EGF: variants seen among roughly 807,000 people sequenced by gnomAD.
The protein encoded by EGF is epidermal growth factor.
In EGF, 95 loss-of-function variants were observed where a neutral mutation model predicts 143.8. The observed-to-expected ratio is 0.66, with a 90% CI of 0.56 to 0.78. The LOEUF is 0.78. Among genes scored for constraint, EGF ranks in the 30% least tolerant of loss-of-function variants. The pLI, the probability that EGF is intolerant of heterozygous loss-of-function variation, is 0.00. For synonymous variants in EGF, 510 were observed against 510.5 expected, an observed-to-expected ratio of 1.00 and a Z score of 0.01; for missense variants, 1,320 against 1,470.9, an observed-to-expected ratio of 0.90 and a Z score of 1.68.
intron 1 of EGF, among the ~76,000 whole-genome samples, chr4:109,914,318 T>C (rs888718162): frequency 1.3e-5 from 2 of 152,204 alleles, no homozygotes; most frequent in Non-Finnish European, 2.9e-5. Context: ...CAGCTTGCCC[T>C]TTTGAGATGG....
chr4:109,951,960 A>G (rs11943900), intron 5 of EGF, among the ~76,000 whole-genome samples: 1,831 of 152,026 alleles, frequency 0.012, 31 homozygotes, highest in African/African-American at 0.042. Flanking sequence ...ATTTTTCTTT[A>G]ATGTTTTTTT....
chr4:109,974,812 G>A lies in EGF; in HGVS notation c.1829+5G>A. On this transcript the variant is annotated splice_donor_5th_base_variant and intron_variant, in intron 12 of 23. Coordinates refer to ENST00000265171, the MANE Select transcript of EGF (RefSeq NM_001963.6). ...TGCTGTTCATCCAATGGCCAAGTAG[G>A]TATTTGTAAAAATAAGGCACTGCTC... 2 of 1,609,762 alleles carry A rather than the reference G, an allele frequency of 1.2e-6. No homozygotes were observed. Among genetic ancestry groups the A allele is most frequent in the Non-Finnish European group, 8.5e-7 (1 of 1,176,334 alleles).
At chr4:109,970,988 A>G (rs966827826) in intron 11 of EGF, among the ~76,000 whole-genome samples, 94 of 152,028 alleles carry the variant, frequency 6.2e-4, no homozygotes, top group African/African-American at 2.2e-3. Context: ...TTGAGTATTT[A>G]TTTACTGAAT....
chr4:109,940,797 C>T, intron 1 of EGF, 149 bp from the exon 2 acceptor site: 1 of 782,734 alleles, frequency 1.3e-6, no homozygotes. Context: ...TACAGGAACT[C>T]TTTATTGTCT....
At chr4:109,989,103 G>A (rs1750579312) in intron 18 of EGF, among the ~76,000 whole-genome samples, 1 of 152,198 alleles carries the variant, frequency 6.6e-6, no homozygotes, top group Non-Finnish European at 1.5e-5. Context: ...ATGACAGTTT[G>A]TTGGAAGTCA....
intron 21 of EGF, among the ~76,000 whole-genome samples, chr4:110,004,081 C>T (rs908282717): frequency 1.3e-5 from 2 of 152,102 alleles, no homozygotes; most frequent in Admixed American, 6.5e-5. Flanking sequence ...CCCCACTCCT[C>T]CCTGCAAAAT....
intron 22 of EGF, 21 bp downstream of exon 22, chr4:110,004,643 G>A (rs1437089711): frequency 6.2e-7 from 1 of 1,607,352 alleles, no homozygotes; most frequent in Non-Finnish European, 8.5e-7. Context: ...CAAAGCAGAT[G>A]AAGCAAGGAA....
At chr4:110,007,019 G>C (rs1753398246) in intron 22 of EGF, among the ~76,000 whole-genome samples, 1 of 152,214 alleles carries the variant, frequency 6.6e-6, no homozygotes, top group Non-Finnish European at 1.5e-5. Flanking sequence ...ATTTTGACTT[G>C]AGACAGAAAT....
At chr4:109,957,659 C>G (rs148794273) in intron 5 of EGF, among the ~76,000 whole-genome samples, 3 of 152,374 alleles carry the variant, frequency 2.0e-5, no homozygotes, top group East Asian at 3.9e-4. Flanking sequence ...ATTTGGAGAA[C>G]AGTCTCAGGC....
chr4:109,973,345 A>G (rs1747971862), intron 11 of EGF, among the ~76,000 whole-genome samples: 1 of 152,096 alleles, frequency 6.6e-6, no homozygotes, highest in African/African-American at 2.4e-5. Flanking sequence ...TAGGTCCTGT[A>G]CTTTAGAACT....
At chr4:109,991,498 G>A (rs1021038283) in intron 18 of EGF, among the ~76,000 whole-genome samples, 2 of 152,084 alleles carry the variant, frequency 1.3e-5, no homozygotes, top group African/African-American at 4.8e-5. Context: ...TAGGCATGGC[G>A]CGGAGGAAAC....
intron 3 of EGF, 52 bp downstream of exon 3, chr4:109,943,487 A>C: frequency 1.9e-6 from 3 of 1,569,324 alleles, no homozygotes; most frequent in Non-Finnish European, 2.6e-6. Flanking sequence ...TCTAGTGAAG[A>C]TTGATAGAAT....
chr4:109,979,852 T>TG (rs1749067912), intron 13 of EGF, 120 bp from the exon 14 acceptor site: 2 of 1,225,708 alleles, frequency 1.6e-6, no homozygotes, highest in Admixed American at 3.7e-5. Context: ...CATAACTTGC[T>TG]GAGTAGCTAA....
At chr4:109,965,359 G>A (rs1427260347) in intron 10 of EGF, among the ~76,000 whole-genome samples, 1 of 152,114 alleles carries the variant, frequency 6.6e-6, no homozygotes, top group Non-Finnish European at 1.5e-5. Context: ...ACAAAGTGAA[G>A]CCAATTGATT....
At position 110,004,535 on chromosome 4, in the gene EGF, G is replaced by A; in HGVS notation, c.3204G>A (p.Lys1068=). The change falls in exon 22 of 24, where the codon AAG becomes AAA. Residue 1068 remains lysine, a synonymous_variant. Transcript: ENST00000265171. ...RTQKLLSKNP[K]NPYEESSRDV... ...AGAAGCTGCTATCGAAAAACCCAAA[G>A]AATCCTTATGAGGAGTCGAGCAGAG... 4 of 1,614,080 alleles carry A rather than the reference G, an allele frequency of 2.5e-6. No individual in the cohort carries two copies. The highest frequency in any genetic ancestry group is 3.4e-6 in the Non-Finnish European group (4 of 1,179,970).
At chr4:110,008,824 T>C (rs1753649452) in intron 23 of EGF, among the ~76,000 whole-genome samples, 1 of 152,192 alleles carries the variant, frequency 6.6e-6, no homozygotes, top group African/African-American at 2.4e-5. Context: ...TGAACTCAGA[T>C]ACCCTTAAGA....
intron 20 of EGF, among the ~76,000 whole-genome samples, chr4:109,995,900 A>C (rs550609821): frequency 6.6e-6 from 1 of 152,250 alleles, no homozygotes; most frequent in Non-Finnish European, 1.5e-5. Context: ...CATGACAAAA[A>C]TAGTGAAAAA....
chr4:109,968,491 G>A (rs1483479105), intron 10 of EGF, among the ~76,000 whole-genome samples: 1 of 152,010 alleles, frequency 6.6e-6, no homozygotes, highest in Non-Finnish European at 1.5e-5. Flanking sequence ...AAGCATGATG[G>A]CTACGTCATT....
intron 9 of EGF, 148 bp from the exon 10 acceptor site, chr4:109,964,253 C>T: frequency 9.1e-7 from 1 of 1,098,400 alleles, no homozygotes; most frequent in East Asian, 2.5e-5. Flanking sequence ...TCTTGCCTGT[C>T]TTCACCTATA....
Sources: gnomAD v4.1 joint callset for allele counts (sites outside exome capture counted in the v4.1 genomes callset) on GRCh38, gnomAD v4.1.1 for gene constraint, MANE v1.5 for transcripts, NCBI Gene and HGNC (gene_info 2026-07-23, HGNC 2026-07-21) for gene names.